AK9: variants seen among roughly 807,000 people sequenced by gnomAD.
AK9 encodes the protein adenylate kinase domain containing 1.
A neutral mutation model predicts 239.6 loss-of-function variants in AK9; 191 were observed. The observed-to-expected ratio is 0.80, with a 90% confidence interval of 0.71 to 0.90. AK9 has a LOEUF of 0.90. Among genes scored for constraint, AK9 ranks in the 40% least tolerant of loss-of-function variants. The probability of loss-of-function intolerance (pLI) is 0.00; values close to 1 mark genes in which losing one functional copy is unlikely to be tolerated. For synonymous variants in AK9, 689 were observed against 721.0 expected, an observed-to-expected ratio of 0.96 and a Z score of 0.71; for missense variants, 1,995 against 2,214.7, an observed-to-expected ratio of 0.90 and a Z score of 1.99.
Position 109,626,579 on chromosome 6 carries a change from C to G in AK9, c.1254+6344G>C, listed in dbSNP as rs377141069. The stretch of plus-strand genomic sequence containing the variant: ...GCAAACAGCATAGAGTGTACTTACA[C>G]AAACTTAGAGGGTACAGCTTACTAA... On this transcript the variant is annotated intron_variant, in intron 12 of 40. Transcript: ENST00000424296. Among the ~76,000 whole-genome samples the G allele has an allele frequency of 7.9e-5, 12 of 152,266 alleles. No individual in the cohort carries two copies. The East Asian group carries it at 2.3e-3, about 29-fold the overall frequency.
At position 109,495,963 on chromosome 6, in the gene AK9, A is replaced by ATATTTCT. The variant is rs1776989449; in HGVS notation, c.5316-524_5316-523insAGAAATA. Among the ~76,000 whole-genome samples, 6 of 151,480 alleles carry ATATTTCT rather than the reference A, an allele frequency of 4.0e-5. No individual in the cohort carries two copies. In the South Asian group the frequency reaches 1.3e-3, roughly 32 times the overall value. ...CCTTCCTGTGCATATGCATTTAAAC[A>ATATTTCT]TCTTCATAATTCCCCATTTAAAAAA... On this transcript the variant is annotated intron_variant, in intron 38 of 40. Transcript: ENST00000424296.
intron 28 of AK9, among the ~76,000 whole-genome samples, chr6:109,530,838 C>T (rs961744316): frequency 2.0e-5 from 3 of 152,048 alleles, no homozygotes; most frequent in Non-Finnish European, 2.9e-5. Context: ...GATATGGTCT[C>T]GATCTGTTGA....
intron 1 of AK9, among the ~76,000 whole-genome samples, chr6:109,689,568 G>C (rs1046058670): frequency 6.6e-6 from 1 of 152,152 alleles, no homozygotes; most frequent in Non-Finnish European, 1.5e-5. Flanking sequence ...CCTCAAGAGG[G>C]GATAACTGAG....
chr6:109,536,432 G>A (rs1782003231), intron 27 of AK9, among the ~76,000 whole-genome samples: 3 of 152,202 alleles, frequency 2.0e-5, no homozygotes, highest in Admixed American at 2.0e-4. Flanking sequence ...AAGAATGCCT[G>A]TGATTTCTGC....
chr6:109,498,697 CTTCAGCACCCCTGG>C (rs920940505), intron 36 of AK9, among the ~76,000 whole-genome samples: 2 of 152,256 alleles, frequency 1.3e-5, no homozygotes, highest in African/African-American at 4.8e-5. Context: ...CTCTGATTCC[CTTCAGCACCCCTGG>C]GTGCTGAATC....
intron 27 of AK9, among the ~76,000 whole-genome samples, chr6:109,534,250 G>T (rs146381709): frequency 1.3e-5 from 2 of 150,114 alleles, no homozygotes; most frequent in Non-Finnish European, 3.0e-5. Context: ...AAAGAATCAG[G>T]ATAATAACTG....
chr6:109,538,574 G>A (rs1200373942), intron 27 of AK9, among the ~76,000 whole-genome samples: 1 of 151,988 alleles, frequency 6.6e-6, no homozygotes, highest in Admixed American at 6.5e-5. Context: ...GCCAGTCTGT[G>A]TCTTTTAATT....
intron 1 of AK9, among the ~76,000 whole-genome samples, chr6:109,680,781 A>G (rs1096139): frequency 0.42 from 63,422 of 152,056 alleles, 14,912 homozygotes; most frequent in African/African-American, 0.64. Flanking sequence ...AAGCCAGAAG[A>G]GAGTGGGGGC....
chr6:109,599,802 G>A (rs2128227267), intron 17 of AK9, among the ~76,000 whole-genome samples: 1 of 152,270 alleles, frequency 6.6e-6, no homozygotes, highest in Middle Eastern at 3.4e-3. Context: ...TACCTTGTAA[G>A]TTGGATTCCT....
intron 29 of AK9, among the ~76,000 whole-genome samples, chr6:109,521,331 C>A (rs1445162776): frequency 1.3e-5 from 2 of 152,042 alleles, no homozygotes; most frequent in African/African-American, 4.8e-5. Context: ...CCTCTTTCTG[C>A]CTGTTGCCCA....
In AK9 at chr6:109,545,864, T is replaced by C; in HGVS notation, c.3225+3A>G. 1 of 1,588,398 alleles carries C rather than the reference T, an allele frequency of 6.3e-7. No individual in the cohort carries two copies. The highest frequency in any genetic ancestry group is 2.2e-5 in the East Asian group (1 of 44,732). ...AACAAAAAACAAAAAAAGAGATTAC[T>C]ACCTGCTTTTTTGTATTTTCTTCCT... On this transcript the variant is annotated splice_donor_region_variant and intron_variant, in intron 26 of 40. Coordinates refer to ENST00000424296, the MANE Select transcript of AK9 (RefSeq NM_001145128.3).
chr6:109,585,257 A>C lies in AK9; in HGVS notation c.2000-20T>G, dbSNP rs904018509. Reference sequence around the variant, plus strand: ...ATTTTCCTGAAATACAGATAAGGAGACTAATATTACTTTTGTAGCTTATAA... The same window carrying C: ...ATTTTCCTGAAATACAGATAAGGAGCCTAATATTACTTTTGTAGCTTATAA... On this transcript the variant is annotated intron_variant, in intron 18 of 40. Transcript: ENST00000424296. 5 of 715,814 alleles carry C rather than the reference A, an allele frequency of 7.0e-6. No individual in the cohort carries two copies. Among genetic ancestry groups the C allele is most frequent in the Non-Finnish European group, 1.8e-6 (1 of 544,372 alleles). The allele number at this position is 715,814 out of a possible 1,614,324, so 44.3% of individuals were successfully genotyped here.
intron 12 of AK9, among the ~76,000 whole-genome samples, chr6:109,627,134 T>G (rs13206237): frequency 5.1e-5 from 2 of 39,540 alleles, no homozygotes; most frequent in Non-Finnish European, 8.5e-5. Context: ...ATGTTTAAGC[T>G]TTTTTTTTTT....
intron 39 of AK9, among the ~76,000 whole-genome samples, chr6:109,495,102 G>A (rs1406899): frequency 0.37 from 56,958 of 151,994 alleles, 10,705 homozygotes; most frequent in South Asian, 0.44. Flanking sequence ...ATTTTGTGGC[G>A]CTCTACTTTC....
intron 32 of AK9, among the ~76,000 whole-genome samples, chr6:109,512,928 A>G (rs1169762881): frequency 6.6e-6 from 1 of 152,218 alleles, no homozygotes; most frequent in African/African-American, 2.4e-5. Flanking sequence ...CAGTGGCACA[A>G]TCATGGCTCA....
intron 20 of AK9, among the ~76,000 whole-genome samples, chr6:109,577,105 C>T (rs1788196216): frequency 1.3e-5 from 2 of 152,274 alleles, no homozygotes; most frequent in South Asian, 2.1e-4. Flanking sequence ...GCTGGGATTA[C>T]AGGTGTGAGC....
chr6:109,510,889 T>C (rs1778666771), intron 32 of AK9, among the ~76,000 whole-genome samples: 1 of 152,208 alleles, frequency 6.6e-6, no homozygotes, highest in Non-Finnish European at 1.5e-5. Flanking sequence ...TTCACCTTAG[T>C]TTTAGACTCT....
Position 109,644,668 on chromosome 6 carries a change from A to T in AK9, c.780T>A (p.Asn260Lys). ...CATTTAGCTCAATGAGATACTGGGG[A>T]TTGTGTTCAGCCATTACTTCCTGCA... ...QTLEEVMAEH[N>K]PQYLIELNGN... Residue 260 changes from asparagine to lysine, a missense_variant, in exon 9 of 41, where the codon AAT (asparagine) becomes AAA (lysine). Physicochemically the swap from Asn to Lys is moderately conservative, Grantham distance 94. This residue lies in a region of AK9 where 1,290 missense variants were observed against 1,392.7 expected (regional missense o/e 0.93). Transcript: ENST00000424296. 6.2e-7 allele frequency: 1 copy of T among 1,612,704 alleles called. No individual in the cohort carries two copies. Among genetic ancestry groups the T allele is most frequent in the Non-Finnish European group, 8.5e-7 (1 of 1,179,792 alleles).
intron 21 of AK9, among the ~76,000 whole-genome samples, chr6:109,572,790 G>C (rs540232941): frequency 5.9e-5 from 9 of 152,142 alleles, no homozygotes; most frequent in African/African-American, 2.2e-4. Flanking sequence ...TACTAACTCT[G>C]CTTGAAAGCA....
Sources: gnomAD v4.1 joint callset for allele counts (sites outside exome capture counted in the v4.1 genomes callset) on GRCh38, gnomAD v4.1.1 for gene constraint, gnomAD v4.1.1 regional missense constraint, MANE v1.5 for transcripts, NCBI Gene and HGNC (gene_info 2026-07-23, HGNC 2026-07-21) for gene names.